The following LRP5 variants were observed in gnomAD, a reference collection of about 807,000 sequenced individuals.
The protein encoded by LRP5 is low-density lipoprotein receptor-related protein 5.
LRP5 carries 62 observed loss-of-function variants against 154.1 expected under a neutral mutation model. That is an observed-to-expected ratio of 0.40 (90% CI 0.33 to 0.50). The LOEUF (loss-of-function observed/expected upper bound fraction) is 0.50, where lower values mean the gene tolerates loss of function less well. LRP5 is among the 20% of genes least tolerant of loss of function. LRP5 has a pLI of 0.55. For synonymous variants in LRP5, 966 were observed against 1,011.5 expected, an observed-to-expected ratio of 0.96 and a Z score of 0.85; for missense variants, 1,915 against 2,336.7, an observed-to-expected ratio of 0.82 and a Z score of 3.72.
In LRP5 at chr11:68,409,948, T is replaced by C; in HGVS notation, c.2126T>C (p.Val709Ala). Reference protein sequence around the residue: ...ISRAFMNGSSVEHVVEFGLDY... With the variant: ...ISRAFMNGSSAEHVVEFGLDY... ...CGCGCCTTCATGAACGGGAGCTCGG[T>C]GGAGCACGTGGTGGAGTTTGGCCTT... Residue 709 changes from valine to alanine, a missense_variant, in exon 10 of 23, where the codon GTG becomes GCG. Val to Ala is a moderately conservative substitution (Grantham distance 64). Coordinates refer to ENST00000294304, the MANE Select transcript of LRP5 (RefSeq NM_002335.4). 6.2e-7 allele frequency: 1 copy of C among 1,613,276 alleles called. No homozygotes were observed. The highest frequency in any genetic ancestry group is 8.5e-7 in the Non-Finnish European group (1 of 1,179,876).
intron 1 of LRP5, among the ~76,000 whole-genome samples, chr11:68,340,978 G>A (rs759339668): frequency 6.7e-6 from 1 of 148,808 alleles, no homozygotes; most frequent in South Asian, 2.1e-4. Context: ...TGTTGTTACC[G>A]CAGTCATTTT....
At chr11:68,349,891 C>T (rs996374157) in intron 2 of LRP5, among the ~76,000 whole-genome samples, 2 of 152,308 alleles carry the variant, frequency 1.3e-5, no homozygotes, top group South Asian at 4.1e-4. Context: ...CTGGCCCTTG[C>T]TGACCTGTCA....
chr11:68,363,985 G>T (rs2098629466), intron 4 of LRP5, 42 bp downstream of exon 4: 1 of 923,678 alleles, frequency 1.1e-6, no homozygotes, highest in Non-Finnish European at 1.5e-6. Flanking sequence ...TGCGGGGGCT[G>T]GGGGGAGCGG....
rs564916215 is a variant in LRP5 at position 68,386,058 on chromosome 11, G to A, written c.1016-258G>A. Among the ~76,000 whole-genome samples the A allele has an allele frequency of 6.6e-5, 10 of 152,292 alleles. No homozygotes were observed. The highest frequency in any genetic ancestry group is 1.2e-4 in the Non-Finnish European group (8 of 67,998). ...GCCTGGCTGTGTGGCTCTCAGCTGC[G>A]TGCATAACCTCTCAGTGCTTCAGTT... On this transcript the variant is annotated intron_variant, in intron 5 of 22. Transcript: ENST00000294304. This position sits in a 1 kb window ranked among gnomAD's most constrained non-coding sequence, Gnocchi z 7.9.
chr11:68,312,689 G>T lies in LRP5; in HGVS notation c.-26G>T. On this transcript the variant is annotated 5_prime_UTR_variant, in exon 1 of 23. Transcript: ENST00000294304. ...GCCATGGAGCCCGAGTGAGCGCGGCGCGGGCCCGTCCGGCCGCCGGACAAC... is the reference window on the plus strand; with the variant it reads ...GCCATGGAGCCCGAGTGAGCGCGGCTCGGGCCCGTCCGGCCGCCGGACAAC... The T allele has an allele frequency of 1.0e-6, 1 of 985,852 alleles. No homozygotes were observed. Among genetic ancestry groups the T allele is most frequent in the Non-Finnish European group, 1.2e-6 (1 of 826,874 alleles). The allele number at this position is 985,852 out of a possible 1,614,324, so 61.1% of individuals were successfully genotyped here. A position where few individuals can be genotyped will look rare whatever the true frequency, so the allele number is the denominator to read the frequency against.
intron 14 of LRP5, among the ~76,000 whole-genome samples, chr11:68,424,586 C>T (rs1442158380): frequency 2.6e-5 from 4 of 152,240 alleles, no homozygotes; most frequent in Admixed American, 2.6e-4. Context: ...CCCATGGCTG[C>T]TGTCAGAAAT....
At chr11:68,351,175 C>T (rs1349324456) in intron 2 of LRP5, among the ~76,000 whole-genome samples, 1 of 152,124 alleles carries the variant, frequency 6.6e-6, no homozygotes, top group South Asian at 2.1e-4. Context: ...AGAGCAGCCT[C>T]GTGCCCCCAC....
chr11:68,380,871 T>C (rs1163409797), intron 5 of LRP5, among the ~76,000 whole-genome samples: 2 of 152,246 alleles, frequency 1.3e-5, no homozygotes, highest in African/African-American at 4.8e-5. Context: ...GAAGCGCTCC[T>C]CTTACCCTCT....
chr11:68,412,046 T>C (rs1242779020), intron 11 of LRP5, among the ~76,000 whole-genome samples: 1 of 152,156 alleles, frequency 6.6e-6, no homozygotes, highest in African/African-American at 2.4e-5. Flanking sequence ...CACCCAGCCC[T>C]GAACCCCACC....
chr11:68,422,843 C>G (rs1377823328), intron 13 of LRP5, among the ~76,000 whole-genome samples: 2 of 149,942 alleles, frequency 1.3e-5, no homozygotes, highest in Non-Finnish European at 3.0e-5. Context: ...TGTACCTTCA[C>G]CTCCCCCACT....
intron 2 of LRP5, among the ~76,000 whole-genome samples, chr11:68,348,991 G>A (rs2098616073): frequency 6.7e-6 from 1 of 149,080 alleles, no homozygotes; most frequent in Admixed American, 6.7e-5. Flanking sequence ...TATTGTTGAA[G>A]GAATTACTTC....
At position 68,345,279 on chromosome 11, in the gene LRP5, TTTTTTG is replaced by T. The variant is rs1233142205; in HGVS notation, c.92-2557_92-2552del. ...TTGGGTTGCTTCCATGTTTGTTTGT[TTTTTTG>T]TTTTTGTTTTGCTGTTTTTTGAGAC... On this transcript the variant is annotated intron_variant, in intron 1 of 22. Transcript: ENST00000294304. Among the ~76,000 whole-genome samples, 6 of 152,070 alleles carry T rather than the reference TTTTTTG, an allele frequency of 3.9e-5. No homozygotes were observed. In the East Asian group the frequency reaches 7.7e-4, roughly 20 times the overall value.
Position 68,448,812 on chromosome 11 carries a change from C to G in LRP5, c.4590C>G (p.Pro1530=). Residue 1530 remains proline (P), a synonymous_variant, in exon 23 of 23, where the codon CCC becomes CCG. Coordinates refer to ENST00000294304, the MANE Select transcript of LRP5 (RefSeq NM_002335.4). ...CCTCTGTGTGTGTCCCTTTCAGGCC[C>G]TACATCATTCGAGGAATGGCGCCCC... The part of the protein sequence containing the change: ...NIPATARPYR[P]YIIRGMAPPT... 1 of 1,605,218 alleles carries G rather than the reference C, an allele frequency of 6.2e-7. No homozygotes were observed. The highest frequency in any genetic ancestry group is 1.1e-5 in the South Asian group (1 of 91,088).
chr11:68,393,897 G>A (rs947425654), intron 7 of LRP5, among the ~76,000 whole-genome samples: 4 of 152,180 alleles, frequency 2.6e-5, no homozygotes, highest in Non-Finnish European at 5.9e-5. Context: ...GATGCTGAGC[G>A]TCTTGTCCCA....
At chr11:68,320,001 A>C (rs2098595807) in intron 1 of LRP5, among the ~76,000 whole-genome samples, 1 of 152,108 alleles carries the variant, frequency 6.6e-6, no homozygotes, top group Non-Finnish European at 1.5e-5. Context: ...GTCTACAAAA[A>C]ATTTAAAAAA....
Position 68,425,976 on chromosome 11 carries a change from AG to A in LRP5, c.3430del. The A allele has an allele frequency of 6.2e-7, 1 of 1,609,978 alleles. No homozygotes were observed. On this transcript the variant is annotated splice_acceptor_variant, in intron 15 of 22. Coordinates refer to ENST00000294304, the MANE Select transcript of LRP5 (RefSeq NM_002335.4). LOFTEE classifies it high-confidence loss of function. ...TCAGGGGGGCCCACGGGCTGCTTGC[AG>A]GGGCCAACCGCCTGACCCTGGAGGA...
chr11:68,443,560 TATATATATATATATATATATATATA>T (rs2098679503), intron 21 of LRP5, among the ~76,000 whole-genome samples: 2 of 37,828 alleles, frequency 5.3e-5, no homozygotes, highest in African/African-American at 1.2e-4. Flanking sequence ...TATATATATA[TATATATATATATATATATATATATA>T]TTTTTTTTTT....
chr11:68,382,979 G>A (rs2098641097), intron 5 of LRP5, among the ~76,000 whole-genome samples: 1 of 152,014 alleles, frequency 6.6e-6, no homozygotes, highest in Admixed American at 6.6e-5. Context: ...CTGGGTTCAA[G>A]TGATTCTCCT....
At chr11:68,409,840 A>G (rs910958270) in intron 9 of LRP5, 74 bp from the exon 10 acceptor site, 3 of 1,211,442 alleles carry the variant, frequency 2.5e-6, no homozygotes, top group Non-Finnish European at 3.6e-6. Flanking sequence ...AGAAGAGCGA[A>G]ACTCCGTCTC....
Sources: gnomAD v4.1 joint callset for allele counts (sites outside exome capture counted in the v4.1 genomes callset) on GRCh38, gnomAD v4.1.1 for gene constraint, Gnocchi (gnomAD v3.1) non-coding constraint, MANE v1.5 for transcripts, NCBI Gene and HGNC (gene_info 2026-07-23, HGNC 2026-07-21) for gene names.